NCOR2: variants seen among roughly 807,000 people sequenced by gnomAD.
NCOR2 encodes the protein nuclear receptor corepressor 2.
A neutral mutation model predicts 262.9 loss-of-function variants in NCOR2; 81 were observed. The ratio of observed to expected loss-of-function variants is 0.31; its 90% CI spans 0.26 to 0.37. The LOEUF is 0.37. Among genes scored for constraint, NCOR2 ranks in the 10% least tolerant of loss-of-function variants. The pLI, the probability that NCOR2 is intolerant of heterozygous loss-of-function variation, is 1.00. For synonymous variants in NCOR2, 1,659 were observed against 1,559.3 expected (o/e 1.06, Z -1.51); for missense variants, 3,385 against 3,621.4 (o/e 0.93, Z 1.68).
intron 13 of NCOR2, among the ~76,000 whole-genome samples, chr12:124,416,027 T>A (rs1025192780): frequency 6.6e-6 from 1 of 152,076 alleles, no homozygotes; most frequent in Non-Finnish European, 1.5e-5. Flanking sequence ...CAGTTTCACA[T>A]AAAACTGGAT....
intron 1 of NCOR2, among the ~76,000 whole-genome samples, chr12:124,521,074 C>G (rs2050158622): frequency 6.6e-6 from 1 of 152,212 alleles, no homozygotes; most frequent in Admixed American, 6.5e-5. Flanking sequence ...CTCTCGCAAC[C>G]CAGGTCAACA....
At chr12:124,515,705 G>A (rs1473091077) in intron 1 of NCOR2, among the ~76,000 whole-genome samples, 1 of 151,814 alleles carries the variant, frequency 6.6e-6, no homozygotes, top group Non-Finnish European at 1.5e-5. Flanking sequence ...GCATGTTCGT[G>A]TGACTGTGTG....
In NCOR2 at chr12:124,422,471, C is replaced by T. The variant is rs578006536; in HGVS notation, c.1383+30G>A. The T allele has an allele frequency of 8.5e-5, 137 of 1,613,492 alleles. 1 individual carries two copies. The South Asian group carries it at 1.3e-3, about 15-fold the overall frequency. On this transcript the variant is annotated intron_variant, in intron 12 of 46. Coordinates refer to ENST00000405201, the Ensembl canonical transcript of NCOR2. ...CGCAGTTGCCCACGGAGGTGGAGAC[C>T]GAAGGGGTATGGGGCGGGCAGCGAC...
upstream of NCOR2, chr12:124,495,444 GT>G: frequency 8.5e-7 from 1 of 1,170,470 alleles, no homozygotes; most frequent in Non-Finnish European, 1.2e-6. This position sits in a 1 kb window ranked among gnomAD's most constrained non-coding sequence, Gnocchi z 4.4. Context: ...TCCCCGAGTC[GT>G]TCCTGTGGTC....
chr12:124,377,382 A>AACGGGG (rs1409999992), intron 18 of NCOR2, among the ~76,000 whole-genome samples: 1 of 152,178 alleles, frequency 6.6e-6, no homozygotes, highest in Non-Finnish European at 1.5e-5. Flanking sequence ...CCATAGAGAA[A>AACGGGG]ACGGGGACAC....
exon 41 of NCOR2, chr12:124,334,565 G>A: frequency 7.1e-7 from 1 of 1,414,604 alleles, no homozygotes; most frequent in Admixed American, 3.2e-5. Flanking sequence ...GGCGGGCAGG[G>A]GTGCGCTGAG....
At chr12:124,329,258 T>C (rs943894494) in intron 44 of NCOR2, 2 of 416,412 alleles carry the variant, frequency 4.8e-6, no homozygotes, top group African/African-American at 4.1e-5. Context: ...CGTCAGGAGT[T>C]CGAGATCAGC....
At chr12:124,426,195 T>C (rs1230425099) in intron 11 of NCOR2, among the ~76,000 whole-genome samples, 2 of 152,220 alleles carry the variant, frequency 1.3e-5, no homozygotes, top group African/African-American at 4.8e-5. Flanking sequence ...AATGCGGCCT[T>C]ATTTGGAAAC....
chr12:124,445,409 T>C (rs907410298), intron 7 of NCOR2, among the ~76,000 whole-genome samples: 2 of 152,040 alleles, frequency 1.3e-5, no homozygotes, highest in Non-Finnish European at 2.9e-5. Flanking sequence ...CAGGTGGCGG[T>C]GGGAGGGCGG....
At chr12:124,494,012 G>A (rs188129818) in intron 1 of NCOR2, among the ~76,000 whole-genome samples, 2 of 152,338 alleles carry the variant, frequency 1.3e-5, no homozygotes, top group Admixed American at 1.3e-4. Flanking sequence ...GCCGTCCTAA[G>A]AGGGATCCAC....
At chr12:124,527,288 T>A (rs139814824) in intron 1 of NCOR2, among the ~76,000 whole-genome samples, 147 of 152,310 alleles carry the variant, frequency 9.7e-4, no homozygotes, top group African/African-American at 3.2e-3. Flanking sequence ...ATGACTTGAG[T>A]GCAAAGTTCA....
chr12:124,410,144 A>T (rs1051709055), intron 13 of NCOR2, among the ~76,000 whole-genome samples: 2 of 150,168 alleles, frequency 1.3e-5, no homozygotes, highest in African/African-American at 4.9e-5. Context: ...TGTTCTGGGA[A>T]CTACTTCCTG....
chr12:124,365,935 C>T (rs891467793), intron 20 of NCOR2, among the ~76,000 whole-genome samples: 1 of 152,162 alleles, frequency 6.6e-6, no homozygotes. Context: ...TCAACTGCCG[C>T]CACCCCTATG....
intron 1 of NCOR2, among the ~76,000 whole-genome samples, chr12:124,508,255 G>A (rs534538406): frequency 1.3e-5 from 2 of 152,390 alleles, no homozygotes; most frequent in South Asian, 4.1e-4. Context: ...ATGCTCAGAA[G>A]TGGACGCATC....
intron 11 of NCOR2, among the ~76,000 whole-genome samples, chr12:124,424,829 C>T (rs557001649): frequency 7.2e-5 from 11 of 152,180 alleles, no homozygotes; most frequent in Non-Finnish European, 1.5e-4. Flanking sequence ...GGGTGAACGT[C>T]GGGCAGTGAC....
chr12:124,340,276 G>C lies in NCOR2; in HGVS notation c.5488+18C>G. On this transcript the variant is annotated intron_variant, in intron 36 of 46. Coordinates refer to ENST00000405201, the Ensembl canonical transcript of NCOR2. ...ACAAGGAGTCCCGGAGCGGGGGGTG[G>C]GGGCTCTGATGCCCTACCAGGTCTC... is the stretch of plus-strand genomic sequence containing the variant. 6.2e-7 allele frequency: 1 copy of C among 1,608,606 alleles called. No individual in the cohort carries two copies. Among genetic ancestry groups the C allele is most frequent in the African/African-American group, 1.3e-5 (1 of 75,022 alleles).
exon 5 of NCOR2, chr12:124,466,267 GCCT>G: frequency 6.2e-7 from 1 of 1,607,810 alleles, no homozygotes; most frequent in Middle Eastern, 1.7e-4. Flanking sequence ...CGGCTTGGCA[GCCT>G]CCTCCTCCAG....
chr12:124,426,848 C>T (rs763857461), intron 10 of NCOR2, 48 bp from the exon 13 acceptor site: 4 of 1,498,348 alleles, frequency 2.7e-6, no homozygotes, highest in Non-Finnish European at 1.8e-6. Context: ...ACGAGGTGCT[C>T]CGGCCGGCGC....
chr12:124,430,257 T>A (rs1157766241), intron 9 of NCOR2, among the ~76,000 whole-genome samples: 3 of 152,138 alleles, frequency 2.0e-5, no homozygotes, highest in African/African-American at 7.2e-5. Flanking sequence ...TCACAGCCAC[T>A]GGGGGAGGCT....
Sources: allele counts gnomAD v4.1 joint callset (sites outside exome capture counted in the v4.1 genomes callset), GRCh38; gene constraint gnomAD v4.1.1; non-coding constraint Gnocchi (gnomAD v3.1); transcripts MANE v1.5; gene names NCBI Gene and HGNC (gene_info 2026-07-23, HGNC 2026-07-21).